The following CCDC91 variants were observed in gnomAD, a reference collection of about 807,000 sequenced individuals.
The protein encoded by CCDC91 is coiled-coil domain-containing protein 91.
A neutral mutation model predicts 63.2 loss-of-function variants in CCDC91; 48 were observed. That is an observed-to-expected ratio of 0.76 (90% CI 0.60 to 0.97). CCDC91 has a LOEUF of 0.97. Among genes scored for constraint, CCDC91 ranks in the 50% least tolerant of loss-of-function variants. The pLI is 0.00. For missense variants in CCDC91, 500 were observed against 494.6 expected (o/e 1.01, Z -0.10); for synonymous variants, 167 against 165.8 (o/e 1.01, Z -0.06).
At chr12:28,450,539 T>C (rs773211919) in intron 10 of CCDC91, 121 bp downstream of exon 10, 1 of 681,946 alleles carries the variant, frequency 1.5e-6, no homozygotes, top group Non-Finnish European at 2.5e-6. Context: ...TTTTATTTCT[T>C]TTATTTACTT....
At chr12:28,389,449 C>T (rs1945803580) in intron 7 of CCDC91, among the ~76,000 whole-genome samples, 1 of 152,124 alleles carries the variant, frequency 6.6e-6, no homozygotes, top group South Asian at 2.1e-4. Flanking sequence ...TCCCTTATCA[C>T]ATCTTTGGCT....
chr12:28,471,076 A>G (rs1291680164), intron 11 of CCDC91, among the ~76,000 whole-genome samples: 2 of 152,202 alleles, frequency 1.3e-5, no homozygotes, highest in African/African-American at 4.8e-5. Context: ...TTACTATCTC[A>G]TGAAAGTAAA....
chr12:28,514,827 A>G (rs147983710), intron 12 of CCDC91, among the ~76,000 whole-genome samples: 260 of 151,844 alleles, frequency 1.7e-3, no homozygotes, highest in African/African-American at 5.9e-3. Context: ...TGGGCTCTCT[A>G]TTCTGTTTCT....
chr12:28,473,616 T>C (rs773983666), intron 11 of CCDC91, among the ~76,000 whole-genome samples: 1 of 152,166 alleles, frequency 6.6e-6, no homozygotes, highest in Non-Finnish European at 1.5e-5. Flanking sequence ...AGTTGTTCCA[T>C]GCAGACTATT....
chr12:28,481,223 T>A (rs1951428955), intron 11 of CCDC91, among the ~76,000 whole-genome samples: 1 of 151,940 alleles, frequency 6.6e-6, no homozygotes, highest in Non-Finnish European at 1.5e-5. Flanking sequence ...ATATGTGCAA[T>A]TGAGTACCTT....
intron 11 of CCDC91, among the ~76,000 whole-genome samples, chr12:28,462,052 G>T (rs1256241856): frequency 6.8e-6 from 1 of 146,488 alleles, no homozygotes; most frequent in Non-Finnish European, 1.5e-5. Context: ...GATGCTGCAA[G>T]TTTTTTTTTT....
intron 1 of CCDC91, among the ~76,000 whole-genome samples, chr12:28,204,988 C>T (rs1474030458): frequency 6.6e-6 from 1 of 152,122 alleles, no homozygotes; most frequent in Non-Finnish European, 1.5e-5. Flanking sequence ...GGAACAGAAT[C>T]AGTTGACATT....
chr12:28,446,490 A>G (rs1949506952), intron 8 of CCDC91, among the ~76,000 whole-genome samples: 2 of 152,158 alleles, frequency 1.3e-5, no homozygotes, highest in African/African-American at 4.8e-5. Context: ...CCTTCAAAAA[A>G]CTATATTTAT....
chr12:28,424,460 TA>T (rs1489904685), intron 8 of CCDC91, among the ~76,000 whole-genome samples: 1 of 152,174 alleles, frequency 6.6e-6, no homozygotes, highest in East Asian at 1.9e-4. Context: ...CATTTCCCCC[TA>T]AATACTTAAC....
chr12:28,265,658 T>C (rs1947139227), intron 3 of CCDC91, among the ~76,000 whole-genome samples: 1 of 152,048 alleles, frequency 6.6e-6, no homozygotes, highest in Admixed American at 6.6e-5. Flanking sequence ...CTGTGTTACA[T>C]ATCTATGAGA....
intron 12 of CCDC91, among the ~76,000 whole-genome samples, chr12:28,494,413 T>G (rs1952174501): frequency 6.6e-6 from 1 of 151,636 alleles, no homozygotes; most frequent in South Asian, 2.1e-4. Flanking sequence ...TAGCAGGAGG[T>G]ACAAGGTGCA....
At position 28,391,328 on chromosome 12, in the gene CCDC91, C is replaced by A; in HGVS notation, c.679C>A (p.Gln227Lys). 6.2e-7 allele frequency: 1 copy of A among 1,612,346 alleles called. No individual in the cohort carries two copies. Among genetic ancestry groups the A allele is most frequent in the Non-Finnish European group, 8.5e-7 (1 of 1,178,652 alleles). Residue 227 changes from glutamine to lysine, a missense_variant, in exon 8 of 13, where the codon CAA becomes AAA. Physicochemically the swap from Gln to Lys is moderately conservative, Grantham distance 53 (BLOSUM62 1). Coordinates refer to ENST00000536442, the MANE Select transcript of CCDC91 (RefSeq NM_018318.5). ...YKALLQSSVK[Q>K]QVEAIEKQYI... ...GGCACTACTGCAGTCTTCAGTTAAG[C>A]AACAAGTAGAAGCTATTGAAAAACA... is the stretch of plus-strand genomic sequence containing the variant.
rs1007301003 is a variant in CCDC91, at chr12:28,550,122, C to A, written c.*949C>A. The A allele has an allele frequency of 2.0e-5, 3 of 151,924 alleles. No homozygotes were observed. Among genetic ancestry groups the A allele is most frequent in the Non-Finnish European group, 1.5e-5 (1 of 67,858 alleles). The allele number at this position is 151,924 out of a possible 1,614,324, so 9.4% of individuals were successfully genotyped here. On this transcript the variant is annotated 3_prime_UTR_variant, in exon 13 of 13. Transcript: ENST00000536442. ...TGCATCTACTTTCATGGGCTTTGTACGTTTCTGAGATTTCTCAGTGTAATA... is the reference window on the plus strand; with the variant it reads ...TGCATCTACTTTCATGGGCTTTGTAAGTTTCTGAGATTTCTCAGTGTAATA...
chr12:28,501,355 G>T (rs1461341282), intron 12 of CCDC91, among the ~76,000 whole-genome samples: 1 of 151,746 alleles, frequency 6.6e-6, no homozygotes, highest in Non-Finnish European at 1.5e-5. Context: ...GTCATAGATA[G>T]CTCTTATTAT....
chr12:28,448,297 T>G (rs1274339799), intron 8 of CCDC91, among the ~76,000 whole-genome samples: 1 of 152,162 alleles, frequency 6.6e-6, no homozygotes, highest in African/African-American at 2.4e-5. Context: ...CTTTCAACAG[T>G]GCCTGGAACC....
intron 11 of CCDC91, among the ~76,000 whole-genome samples, chr12:28,469,604 A>C (rs1317463776): frequency 6.6e-6 from 1 of 152,148 alleles, no homozygotes; most frequent in Admixed American, 6.6e-5. Context: ...TTTATATGGA[A>C]TCACAAAAGT....
chr12:28,519,609 G>A lies in CCDC91; in HGVS notation c.1216-29454G>A, dbSNP rs553206414. Reference sequence around the variant, plus strand: ...TTATACTTCAAGTTCTAGGGTACACGTGCACAACGTGCAGGTTTGTTACAT... The same window carrying A: ...TTATACTTCAAGTTCTAGGGTACACATGCACAACGTGCAGGTTTGTTACAT... On this transcript the variant is annotated intron_variant, in intron 12 of 12. Coordinates refer to ENST00000536442, the MANE Select transcript of CCDC91 (RefSeq NM_018318.5). Among the ~76,000 whole-genome samples, 35 of 150,414 alleles carry A rather than the reference G, an allele frequency of 2.3e-4. No homozygotes were observed. In the South Asian group the frequency reaches 7.0e-3, roughly 30 times the overall value.
chr12:28,233,221 T>TC lies in CCDC91; in HGVS notation c.-14-23977dup, dbSNP rs568135978. ...CGATCTCCTCAGAGAATTCCCTCAT[T>TC]CCCCTTGTAGTCTATCTTTCTCCAT... is the stretch of plus-strand genomic sequence containing the variant. On this transcript the variant is annotated intron_variant, in intron 1 of 12. Transcript: ENST00000536442. 3.8e-4 allele frequency among the ~76,000 whole-genome samples: 58 copies of TC among 152,214 alleles called. No homozygotes were observed. In the South Asian group the frequency reaches 0.011, roughly 29 times the overall value.
intron 7 of CCDC91, among the ~76,000 whole-genome samples, chr12:28,386,771 A>C (rs1159703849): frequency 2.0e-5 from 3 of 152,240 alleles, no homozygotes; most frequent in Non-Finnish European, 4.4e-5. Flanking sequence ...AGACATAAAT[A>C]TGTTCAAAAT....
Sources: allele counts gnomAD v4.1 joint callset (sites outside exome capture counted in the v4.1 genomes callset), GRCh38; gene constraint gnomAD v4.1.1; transcripts MANE v1.5; gene names NCBI Gene and HGNC (gene_info 2026-07-23, HGNC 2026-07-21).